Variants in PCDH15 observed in about 807,000 individuals in gnomAD.
PCDH15 encodes protocadherin related 15, also known as protocadherin-15.
A neutral mutation model predicts 178.5 loss-of-function variants in PCDH15; 129 were observed. The observed-to-expected ratio is 0.72, with a 90% CI of 0.63 to 0.84. The LOEUF (loss-of-function observed/expected upper bound fraction) is 0.84, where lower values mean the gene tolerates loss of function less well. Among genes scored for constraint, PCDH15 ranks in the 40% least tolerant of loss-of-function variants. The pLI is 0.00. For missense variants in PCDH15, 2,230 were observed against 2,099.9 expected (o/e 1.06, Z -1.21); for synonymous variants, 800 against 732.0 (o/e 1.09, Z -1.50).
chr10:54,300,127 A>T (rs2133240918), intron 8 of PCDH15, among the ~76,000 whole-genome samples: 1 of 152,270 alleles, frequency 6.6e-6, no homozygotes, highest in Middle Eastern at 3.4e-3. Flanking sequence ...CTACTGAGAA[A>T]GGAGGACTCT....
intron 2 of PCDH15, among the ~76,000 whole-genome samples, chr10:55,518,600 C>T (rs1841077262): frequency 6.6e-6 from 1 of 151,956 alleles, no homozygotes; most frequent in African/African-American, 2.4e-5. Context: ...CCCAGTAAAA[C>T]AGCGGGCCTT....
chr10:54,784,926 C>A (rs1950702651), intron 1 of PCDH15, among the ~76,000 whole-genome samples: 1 of 151,718 alleles, frequency 6.6e-6, no homozygotes, highest in Admixed American at 6.6e-5. Flanking sequence ...AGCTCCCAAC[C>A]CCCATCGCAT....
At chr10:54,775,911 A>C (rs976729560) in intron 1 of PCDH15, among the ~76,000 whole-genome samples, 38 of 152,140 alleles carry the variant, frequency 2.5e-4, no homozygotes, top group African/African-American at 7.7e-4. Context: ...CATAAAAAAA[A>C]CAAATATCTC....
At position 54,117,957 on chromosome 10, in the gene PCDH15, T is replaced by A. The variant is rs78138711; in HGVS notation, c.1917+14918A>T. Among the ~76,000 whole-genome samples the A allele has an allele frequency of 9.7e-3, 1,480 of 152,266 alleles. 25 individuals carry two copies. The highest frequency in any genetic ancestry group is 0.034 in the African/African-American group (1,411 of 41,550). On this transcript the variant is annotated intron_variant, in intron 15 of 37. Coordinates refer to ENST00000644397, the MANE Select transcript of PCDH15 (RefSeq NM_001384140.1). Reference sequence around the variant, plus strand: ...CCAAAAGCAGCACCCTAAATTCTCATTCTGATCTGCCGAACTGACAGCTGG... The same window carrying A: ...CCAAAAGCAGCACCCTAAATTCTCAATCTGATCTGCCGAACTGACAGCTGG...
chr10:54,221,260 T>C (rs1011287108), intron 9 of PCDH15, among the ~76,000 whole-genome samples: 1 of 152,176 alleles, frequency 6.6e-6, no homozygotes, highest in African/African-American at 2.4e-5. Context: ...CTAAGAAAAT[T>C]CTACGTTTTT....
intron 2 of PCDH15, among the ~76,000 whole-genome samples, chr10:54,562,645 A>G (rs2088353044): frequency 6.6e-6 from 1 of 152,152 alleles, no homozygotes; most frequent in South Asian, 2.1e-4. Context: ...TGTAACATAT[A>G]CAAGTATACA....
chr10:54,397,215 C>A (rs1236715902), intron 3 of PCDH15, among the ~76,000 whole-genome samples: 1 of 152,022 alleles, frequency 6.6e-6, no homozygotes, highest in South Asian at 2.1e-4. Flanking sequence ...AGTCTCCCAG[C>A]CACTTGTGAG....
chr10:55,604,330 G>A (rs7899574), intron 2 of PCDH15, among the ~76,000 whole-genome samples: 24 of 139,734 alleles, frequency 1.7e-4, no homozygotes, highest in Non-Finnish European at 2.7e-4. Context: ...ACATTAGACA[G>A]ATCAACGAGA....
At chr10:55,394,935 A>C (rs1435262774) in intron 2 of PCDH15, among the ~76,000 whole-genome samples, 3 of 152,092 alleles carry the variant, frequency 2.0e-5, no homozygotes, top group Non-Finnish European at 2.9e-5. Context: ...TCCTGCACCA[A>C]ATTCTAAAAC....
chr10:55,343,588 T>C (rs949440562), intron 2 of PCDH15, among the ~76,000 whole-genome samples: 4 of 151,488 alleles, frequency 2.6e-5, no homozygotes, highest in African/African-American at 7.3e-5. Flanking sequence ...AATTCAAATA[T>C]CTGAAAAAGA....
At chr10:54,747,962 C>T (rs1945687508) in intron 1 of PCDH15, among the ~76,000 whole-genome samples, 1 of 152,050 alleles carries the variant, frequency 6.6e-6, no homozygotes. Flanking sequence ...CCCGCCACCA[C>T]GCCCGGCTAA....
chr10:55,617,566 T>C (rs1023459864), intron 2 of PCDH15, among the ~76,000 whole-genome samples: 5 of 152,194 alleles, frequency 3.3e-5, no homozygotes, highest in East Asian at 1.9e-4. Flanking sequence ...GATAATTCCA[T>C]GGCAGGGCAA....
intron 18 of PCDH15, among the ~76,000 whole-genome samples, chr10:54,049,380 TCTAA>T (rs1015530619): frequency 3.9e-5 from 6 of 152,308 alleles, no homozygotes; most frequent in African/African-American, 1.4e-4. Flanking sequence ...GCCTGATTTC[TCTAA>T]CTAAGATTTC....
At chr10:55,451,327 T>C (rs1305711633) in intron 2 of PCDH15, among the ~76,000 whole-genome samples, 1 of 151,774 alleles carries the variant, frequency 6.6e-6, no homozygotes, top group African/African-American at 2.4e-5. Flanking sequence ...TGAAACCCCA[T>C]CTCTACTAAG....
At chr10:55,067,959 G>T (rs1431974987) in intron 2 of PCDH15, among the ~76,000 whole-genome samples, 1 of 151,750 alleles carries the variant, frequency 6.6e-6, no homozygotes, top group Non-Finnish European at 1.5e-5. Flanking sequence ...CTGTTGACTT[G>T]TTTGAATTTC....
chr10:55,627,082 G>A (rs1837544356), intron 2 of PCDH15, among the ~76,000 whole-genome samples: 1 of 152,046 alleles, frequency 6.6e-6, no homozygotes, highest in Non-Finnish European at 1.5e-5. Flanking sequence ...AGATAAAGGA[G>A]AGAAACTCTA....
chr10:54,639,235 A>G (rs926513495), intron 2 of PCDH15, among the ~76,000 whole-genome samples: 1 of 152,192 alleles, frequency 6.6e-6, no homozygotes, highest in South Asian at 2.1e-4. Flanking sequence ...TGCCACTTTG[A>G]AAGTTAATAT....
At chr10:55,017,524 C>A (rs889855638) in intron 2 of PCDH15, among the ~76,000 whole-genome samples, 1 of 152,036 alleles carries the variant, frequency 6.6e-6, no homozygotes, top group African/African-American at 2.4e-5. Context: ...AACATTTCTA[C>A]CATAAAAATA....
At chr10:54,254,402 C>T (rs11004181) in intron 8 of PCDH15, among the ~76,000 whole-genome samples, 5,962 of 151,768 alleles carry the variant, frequency 0.039, 399 homozygotes, top group African/African-American at 0.13. Flanking sequence ...ACAAGAGGAG[C>T]GAAAATAAAG....
Sources: gnomAD v4.1 joint callset for allele counts (sites outside exome capture counted in the v4.1 genomes callset) on GRCh38, gnomAD v4.1.1 for gene constraint, MANE v1.5 for transcripts, NCBI Gene and HGNC (gene_info 2026-07-23, HGNC 2026-07-21) for gene names.